Variants in WDPCP observed in about 807,000 individuals in gnomAD.
WDPCP encodes the protein WD repeat-containing and planar cell polarity effector protein fritz homolog.
A neutral mutation model predicts 93.1 loss-of-function variants in WDPCP; 71 were observed. The observed-to-expected ratio is 0.76, with a 90% CI of 0.63 to 0.93. The LOEUF (loss-of-function observed/expected upper bound fraction) is 0.93, where lower values mean the gene tolerates loss of function less well. WDPCP is among the 40% of genes least tolerant of loss of function. The pLI is 0.00. For synonymous variants in WDPCP, 315 were observed against 315.0 expected, an observed-to-expected ratio of 1.00 and a Z score of 0.00; for missense variants, 844 against 887.4, an observed-to-expected ratio of 0.95 and a Z score of 0.62.
At chr2:63,640,823 A>G (rs988558553) in intron 3 of WDPCP, among the ~76,000 whole-genome samples, 2 of 152,184 alleles carry the variant, frequency 1.3e-5, no homozygotes, top group Non-Finnish European at 2.9e-5. Context: ...AAAAAATCCA[A>G]TTATACTTTT....
chr2:63,781,121 A>C (rs1670386140), intron 2 of WDPCP, among the ~76,000 whole-genome samples: 1 of 152,064 alleles, frequency 6.6e-6, no homozygotes, highest in Non-Finnish European at 1.5e-5. Flanking sequence ...ATTTCCCCCC[A>C]CTCTGTATTA....
At chr2:63,362,277 T>TTGTGTGTGTGTGTGTGTGTGTG (rs140044354) in intron 12 of WDPCP, among the ~76,000 whole-genome samples, 7 of 94,108 alleles carry the variant, frequency 7.4e-5, no homozygotes, top group African/African-American at 3.2e-4. Flanking sequence ...TTTTTTTTGG[T>TTGTGTGTGTGTGTGTGTGTGTG]TGTGTGTGTG....
chr2:63,689,195 GA>G (rs1451028513), intron 2 of WDPCP, among the ~76,000 whole-genome samples: 1 of 151,974 alleles, frequency 6.6e-6, no homozygotes, highest in East Asian at 1.9e-4. Context: ...TTGGGATGGG[GA>G]GGGGGAATCT....
chr2:63,554,415 A>G (rs1462977207), intron 1 of WDPCP, among the ~76,000 whole-genome samples: 1 of 152,110 alleles, frequency 6.6e-6, no homozygotes, highest in Non-Finnish European at 1.5e-5. Context: ...CAGTTAATAA[A>G]TATGTTGTAC....
At chr2:63,576,495 C>A (rs1183417816) in intron 1 of WDPCP, among the ~76,000 whole-genome samples, 2 of 152,222 alleles carry the variant, frequency 1.3e-5, no homozygotes, top group African/African-American at 4.8e-5. Flanking sequence ...GTGCCATGTC[C>A]TCTTTGGGCA....
intron 12 of WDPCP, among the ~76,000 whole-genome samples, chr2:63,353,101 G>C (rs755810556): frequency 2.6e-5 from 4 of 152,114 alleles, no homozygotes; most frequent in African/African-American, 9.7e-5. Flanking sequence ...AGCAGTGAAT[G>C]AATGTGTGAC....
intron 14 of WDPCP, among the ~76,000 whole-genome samples, chr2:63,202,080 T>C (rs974362368): frequency 1.5e-4 from 23 of 151,932 alleles, no homozygotes; most frequent in Non-Finnish European, 2.2e-4. Flanking sequence ...TCACAGCTTT[T>C]AAGATTTTCT....
intron 13 of WDPCP, among the ~76,000 whole-genome samples, chr2:63,262,731 C>T (rs1389319595): frequency 1.3e-5 from 2 of 151,872 alleles, no homozygotes; most frequent in Admixed American, 6.6e-5. Context: ...CTGATTTCTC[C>T]CCTGTATTTT....
rs1032901555 is a variant in WDPCP, at chr2:63,466,946, A to G, written c.384+17658T>C. Among the ~76,000 whole-genome samples, 31 of 152,368 alleles carry G rather than the reference A, an allele frequency of 2.0e-4. 1 individual carries two copies. The highest frequency in any genetic ancestry group is 8.3e-4 in the South Asian group (4 of 4,834). ...TAAAATGAAAACAATTAATAAAAGC[A>G]AAGAAATAACCATTTATGAAGAGAA... On this transcript the variant is annotated intron_variant, in intron 6 of 17. Transcript: ENST00000272321.
intron 12 of WDPCP, among the ~76,000 whole-genome samples, chr2:63,351,538 G>A (rs1196456985): frequency 1.3e-5 from 2 of 152,012 alleles, no homozygotes; most frequent in African/African-American, 2.4e-5. Flanking sequence ...CTTGGTTTTT[G>A]TTCCTGTTAA....
chr2:63,432,389 C>T (rs1480850541), intron 9 of WDPCP, among the ~76,000 whole-genome samples: 2 of 152,140 alleles, frequency 1.3e-5, no homozygotes, highest in African/African-American at 4.8e-5. Flanking sequence ...AATGCACTTA[C>T]ACATTTTCAT....
At chr2:63,311,983 T>A (rs1198952931) in intron 13 of WDPCP, among the ~76,000 whole-genome samples, 1 of 151,696 alleles carries the variant, frequency 6.6e-6, no homozygotes, top group Non-Finnish European at 1.5e-5. Flanking sequence ...GGTGAAAAGG[T>A]GGAGATAAGG....
chr2:63,735,022 A>G (rs1400912032), intron 2 of WDPCP, among the ~76,000 whole-genome samples: 1 of 152,218 alleles, frequency 6.6e-6, no homozygotes, highest in Non-Finnish European at 1.5e-5. Context: ...GGTAACTCTG[A>G]TATCATTTAT....
intron 12 of WDPCP, among the ~76,000 whole-genome samples, chr2:63,314,132 C>T (rs1686439877): frequency 6.6e-6 from 1 of 151,168 alleles, no homozygotes; most frequent in Non-Finnish European, 1.5e-5. Flanking sequence ...CTGCCTCAGC[C>T]TCCCAAAGTG....
At chr2:63,484,520 C>G (rs1004746323) in intron 6 of WDPCP, 84 bp downstream of exon 6, 1 of 1,543,670 alleles carries the variant, frequency 6.5e-7, no homozygotes, top group East Asian at 2.3e-5. Flanking sequence ...TGTCCATTAC[C>G]TAACATAACA....
intron 9 of WDPCP, among the ~76,000 whole-genome samples, chr2:63,429,217 G>A (rs1179101691): frequency 6.6e-6 from 1 of 151,988 alleles, no homozygotes; most frequent in Non-Finnish European, 1.5e-5. Context: ...AAACTTAAAG[G>A]TAAGACCTCA....
At position 63,515,723 on chromosome 2, in the gene WDPCP, A is replaced by C. The variant is rs184835525; in HGVS notation, c.76-22783T>G. Among the ~76,000 whole-genome samples the C allele has an allele frequency of 3.6e-3, 544 of 152,292 alleles. 4 individuals are homozygous for C. Among genetic ancestry groups the C allele is most frequent in the Admixed American group, 5.7e-3 (87 of 15,296 alleles). ...ATGCTTTACATGCATTTTCTCATTT[A>C]GATTCTATAATCACCGCTGGGCACA... On this transcript the variant is annotated intron_variant, in intron 1 of 17. Transcript: ENST00000272321.
intron 12 of WDPCP, among the ~76,000 whole-genome samples, chr2:63,376,321 T>C (rs868822021): frequency 6.6e-6 from 1 of 151,858 alleles, no homozygotes; most frequent in Non-Finnish European, 1.5e-5. Context: ...TGTAACCACA[T>C]AGAAAAGCTG....
chr2:63,296,163 C>T (rs1316781802), intron 13 of WDPCP, among the ~76,000 whole-genome samples: 2 of 145,830 alleles, frequency 1.4e-5, no homozygotes, highest in South Asian at 2.2e-4. Flanking sequence ...TGATTCACCA[C>T]ATAAACAGAA....
Sources: gnomAD v4.1 joint callset for allele counts (sites outside exome capture counted in the v4.1 genomes callset) on GRCh38, gnomAD v4.1.1 for gene constraint, MANE v1.5 for transcripts, NCBI Gene and HGNC (gene_info 2026-07-23, HGNC 2026-07-21) for gene names.